Variants in CYP4X1 observed in about 807,000 individuals in gnomAD.
CYP4X1 encodes the protein cytochrome P450 family 4 subfamily X member 1, also known as cytochrome P450 4X1.
A neutral mutation model predicts 57.9 loss-of-function variants in CYP4X1; 44 were observed. The ratio of observed to expected loss-of-function variants is 0.76; its 90% CI spans 0.60 to 0.98. The LOEUF is 0.98. Ranked by LOEUF, CYP4X1 falls within the 50% of genes least tolerant of loss-of-function variation. The probability of loss-of-function intolerance (pLI) is 0.00; values close to 1 mark genes in which losing one functional copy is unlikely to be tolerated. For synonymous variants in CYP4X1, 227 were observed against 228.6 expected, an observed-to-expected ratio of 0.99 and a Z score of 0.06; for missense variants, 532 against 623.9, an observed-to-expected ratio of 0.85 and a Z score of 1.57.
chr1:46,985,744 C>A, the CYP4X1 span, among the ~76,000 whole-genome samples: 1 of 152,136 alleles, frequency 6.6e-6, no homozygotes, highest in Non-Finnish European at 1.5e-5. Flanking sequence ...GAGTGGACCC[C>A]CAGCAAACTC....
At chr1:46,982,986 T>C in the CYP4X1 span, among the ~76,000 whole-genome samples, 3 of 152,254 alleles carry the variant, frequency 2.0e-5, no homozygotes, top group African/African-American at 7.2e-5. Context: ...CTGCTGCCAA[T>C]CAGAATGATC....
the CYP4X1 span, among the ~76,000 whole-genome samples, chr1:46,981,616 G>C: frequency 1.3e-5 from 2 of 152,148 alleles, no homozygotes; most frequent in Admixed American, 1.3e-4. Context: ...ATTTGACCCA[G>C]CCATCTCATT....
chr1:47,003,329 G>A, the CYP4X1 span, among the ~76,000 whole-genome samples: 10 of 152,036 alleles, frequency 6.6e-5, no homozygotes, highest in African/African-American at 1.2e-4. Flanking sequence ...GCTGTCTCCC[G>A]GCACTTAACT....
the CYP4X1 span, among the ~76,000 whole-genome samples, chr1:46,993,577 C>T: frequency 6.6e-6 from 1 of 152,326 alleles, no homozygotes; most frequent in South Asian, 2.1e-4. Context: ...TAGTTCTCCA[C>T]ATCCTTTCCA....
intron 2 of CYP4X1, 50 bp from the exon 3 acceptor site, chr1:47,031,386 T>C (rs778729604): frequency 1.2e-6 from 2 of 1,603,216 alleles, no homozygotes; most frequent in South Asian, 1.1e-5. Context: ...GAACTGATAA[T>C]GAATGCTCCC....
the CYP4X1 span, among the ~76,000 whole-genome samples, chr1:46,976,759 T>C: frequency 6.6e-6 from 1 of 152,110 alleles, no homozygotes; most frequent in Admixed American, 6.5e-5. Context: ...AGAGGAAGGA[T>C]CAGGCAGCAA....
At chr1:46,985,668 A>C in the CYP4X1 span, among the ~76,000 whole-genome samples, 9 of 152,176 alleles carry the variant, frequency 5.9e-5, no homozygotes, top group Non-Finnish European at 1.2e-4. Flanking sequence ...CCAGAGGAAG[A>C]AACAGGGCCA....
Position 47,023,793 on chromosome 1 carries a change from C to G in CYP4X1, c.-25C>G. The G allele has an allele frequency of 1.9e-6, 3 of 1,599,924 alleles. No homozygotes were observed. Among genetic ancestry groups the G allele is most frequent in the South Asian group, 2.2e-5 (2 of 90,296 alleles). On this transcript the variant is annotated 5_prime_UTR_variant, in exon 1 of 12. Coordinates refer to ENST00000371901, the MANE Select transcript of CYP4X1 (RefSeq NM_178033.2). ...CCCTCTCCCGCGCCCCAGGAAACCG[C>G]CGGCGTTCGGCGCTGCGCAGAGCCA...
chr1:47,037,094 T>A (rs1644192193), intron 6 of CYP4X1, among the ~76,000 whole-genome samples: 2 of 152,144 alleles, frequency 1.3e-5, no homozygotes, highest in South Asian at 4.2e-4. Flanking sequence ...ACAGAAAATG[T>A]TAATGTTTTT....
chr1:46,995,768 T>G, the CYP4X1 span, among the ~76,000 whole-genome samples: 1 of 152,342 alleles, frequency 6.6e-6, no homozygotes, highest in Admixed American at 6.5e-5. Context: ...CAGAGTTCTT[T>G]TCATTCTCCT....
At chr1:46,980,380 G>T in the CYP4X1 span, among the ~76,000 whole-genome samples, 1 of 152,128 alleles carries the variant, frequency 6.6e-6, no homozygotes. Context: ...ATTCACAATT[G>T]CTACAAAGAG....
rs145491539 is a variant in CYP4X1, at chr1:47,037,817, A to T, written c.776-843A>T. On this transcript the variant is annotated intron_variant, in intron 6 of 11. Coordinates refer to ENST00000371901, the MANE Select transcript of CYP4X1 (RefSeq NM_178033.2). ...CATTATTTTCATATTTAAATCAGAGATCTAAACTCCATTTAGAATTTATTC... is the reference window on the plus strand; with the variant it reads ...CATTATTTTCATATTTAAATCAGAGTTCTAAACTCCATTTAGAATTTATTC... 9.9e-5 allele frequency among the ~76,000 whole-genome samples: 15 copies of T among 152,284 alleles called. No homozygotes were observed. The East Asian group carries it at 2.9e-3, about 29-fold the overall frequency.
the CYP4X1 span, among the ~76,000 whole-genome samples, chr1:46,976,094 G>T: frequency 6.6e-6 from 1 of 152,094 alleles, no homozygotes; most frequent in African/African-American, 2.4e-5. Context: ...ATTGGGACTG[G>T]TTGGACAGTG....
the CYP4X1 span, among the ~76,000 whole-genome samples, chr1:46,981,382 A>T: frequency 6.6e-6 from 1 of 152,198 alleles, no homozygotes; most frequent in Non-Finnish European, 1.5e-5. Context: ...CATGAAAAAA[A>T]GCTCATCATC....
chr1:46,967,740 G>T, the CYP4X1 span: 1 of 1,226,056 alleles, frequency 8.2e-7, no homozygotes, highest in Non-Finnish European at 1.1e-6. Flanking sequence ...TTCCACTTTT[G>T]AACTTCAGCA....
chr1:47,033,593 A>AT (rs1435661319), intron 4 of CYP4X1, among the ~76,000 whole-genome samples: 2 of 152,182 alleles, frequency 1.3e-5, no homozygotes, highest in South Asian at 2.1e-4. Flanking sequence ...ATATTTTGAG[A>AT]TTTTATGGCA....
the CYP4X1 span, among the ~76,000 whole-genome samples, chr1:47,014,838 A>G: frequency 6.6e-6 from 1 of 152,120 alleles, no homozygotes; most frequent in Non-Finnish European, 1.5e-5. Flanking sequence ...ACAGAGTAAC[A>G]CTGTTGGATA....
chr1:47,012,119 T>C, the CYP4X1 span, among the ~76,000 whole-genome samples: 3 of 152,256 alleles, frequency 2.0e-5, no homozygotes, highest in Admixed American at 1.3e-4. Flanking sequence ...TGTATGCTTA[T>C]TGTGGCACTA....
At chr1:47,044,170 A>G (rs949602902) in intron 8 of CYP4X1, among the ~76,000 whole-genome samples, 1 of 151,978 alleles carries the variant, frequency 6.6e-6, no homozygotes, top group South Asian at 2.1e-4. Flanking sequence ...TGTTCCTTTC[A>G]TCCTCTCTTA....
Sources: allele counts gnomAD v4.1 joint callset (sites outside exome capture counted in the v4.1 genomes callset), GRCh38; gene constraint gnomAD v4.1.1; transcripts MANE v1.5; gene names NCBI Gene and HGNC (gene_info 2026-07-23, HGNC 2026-07-21).